Variants in DIP2C observed in about 807,000 individuals in gnomAD.
The protein encoded by DIP2C is disco-interacting protein 2 homolog C.
In DIP2C, 33 loss-of-function variants were observed where a neutral mutation model predicts 192.4. That is an observed-to-expected ratio of 0.17 (90% CI 0.13 to 0.23). DIP2C has a LOEUF of 0.23. Among genes scored for constraint, DIP2C ranks in the 10% least tolerant of loss-of-function variants. DIP2C has a pLI of 1.00. For synonymous variants in DIP2C, 979 were observed against 864.1 expected, an observed-to-expected ratio of 1.13 and a Z score of -2.33; for missense variants, 1,537 against 2,110.1, an observed-to-expected ratio of 0.73 and a Z score of 5.32.
At chr10:376,978 A>C (rs994571985) in intron 17 of DIP2C, among the ~76,000 whole-genome samples, 1 of 152,226 alleles carries the variant, frequency 6.6e-6, no homozygotes, top group South Asian at 2.1e-4. Context: ...GATACAATGT[A>C]AAAGCAGCCA....
intron 1 of DIP2C, among the ~76,000 whole-genome samples, chr10:497,244 A>G (rs1198057534): frequency 6.6e-6 from 1 of 152,244 alleles, no homozygotes; most frequent in Non-Finnish European, 1.5e-5. Context: ...ACCCATGTTC[A>G]GAACAGGTTA....
intron 30 of DIP2C, among the ~76,000 whole-genome samples, chr10:328,676 C>T (rs1029293506): frequency 6.6e-6 from 1 of 152,188 alleles, no homozygotes; most frequent in Non-Finnish European, 1.5e-5. Flanking sequence ...AAGCTTTATG[C>T]ATTAGGAAAA....
intron 1 of DIP2C, among the ~76,000 whole-genome samples, chr10:609,724 A>T (rs1852938415): frequency 6.6e-6 from 1 of 152,210 alleles, no homozygotes; most frequent in Admixed American, 6.5e-5. Flanking sequence ...ACACTAACTG[A>T]TAATGCTATA....
chr10:579,808 CACTATAATG>C lies in DIP2C; in HGVS notation c.86-93287_86-93279del, dbSNP rs1379028608. Among the ~76,000 whole-genome samples, 30 of 151,800 alleles carry C rather than the reference CACTATAATG, an allele frequency of 2.0e-4. 1 individual carries two copies. The highest frequency in any genetic ancestry group is 7.3e-4 in the African/African-American group (30 of 41,280). The stretch of plus-strand genomic sequence containing the variant: ...TCCATATAGCATATGTACATAGGTA[CACTATAATG>C]TGTACATGCATAGCATGTACACACA... On this transcript the variant is annotated intron_variant, in intron 1 of 36. Coordinates refer to ENST00000280886, the MANE Select transcript of DIP2C (RefSeq NM_014974.3).
At chr10:649,180 C>T (rs1313683724) in intron 1 of DIP2C, among the ~76,000 whole-genome samples, 2 of 150,418 alleles carry the variant, frequency 1.3e-5, no homozygotes, top group East Asian at 3.9e-4. Flanking sequence ...GAAACTGAGT[C>T]CACGTCCACA....
intron 10 of DIP2C, among the ~76,000 whole-genome samples, chr10:396,217 G>A (rs377310509): frequency 6.6e-6 from 1 of 152,348 alleles, no homozygotes; most frequent in African/African-American, 2.4e-5. Flanking sequence ...CATCTTAAAT[G>A]TGTTACAGTG....
intron 1 of DIP2C, among the ~76,000 whole-genome samples, chr10:511,292 G>C (rs1845996856): frequency 6.6e-6 from 1 of 152,188 alleles, no homozygotes; most frequent in South Asian, 2.1e-4. Flanking sequence ...TCCTCCAAGG[G>C]GAAGCGGCCT....
chr10:629,205 C>T (rs188248066), intron 1 of DIP2C, among the ~76,000 whole-genome samples: 89 of 152,272 alleles, frequency 5.8e-4, no homozygotes, highest in African/African-American at 1.3e-3. Flanking sequence ...CACAGGGCTA[C>T]GGTAGCTACC....
intron 3 of DIP2C, among the ~76,000 whole-genome samples, chr10:449,165 C>T (rs1968620962): frequency 6.6e-6 from 1 of 151,948 alleles, no homozygotes; most frequent in South Asian, 2.1e-4. Flanking sequence ...AGGACCCACT[C>T]ACCCCTGTCA....
intron 33 of DIP2C, among the ~76,000 whole-genome samples, chr10:286,574 A>T (rs1955146665): frequency 1.3e-5 from 2 of 152,204 alleles, no homozygotes; most frequent in Admixed American, 1.3e-4. Context: ...GTATGCTGTT[A>T]TGGTGACCTC....
chr10:586,771 CAGAT>C (rs1175123929), intron 1 of DIP2C, among the ~76,000 whole-genome samples: 3 of 152,086 alleles, frequency 2.0e-5, no homozygotes, highest in Admixed American at 6.5e-5. Context: ...TTCTGGATCT[CAGAT>C]AGATAATGGC....
chr10:324,770 A>G, intron 31 of DIP2C: 1 of 375,984 alleles, frequency 2.7e-6, no homozygotes, highest in East Asian at 7.4e-5. Flanking sequence ...TTCAATATCC[A>G]CCACGTGTCA....
At chr10:452,100 G>C (rs988833225) in intron 3 of DIP2C, among the ~76,000 whole-genome samples, 1 of 152,166 alleles carries the variant, frequency 6.6e-6, no homozygotes, top group Non-Finnish European at 1.5e-5. Context: ...GAGCAGGAGG[G>C]AAGCATGGGG....
intron 1 of DIP2C, among the ~76,000 whole-genome samples, chr10:564,257 C>T (rs904140437): frequency 1.3e-5 from 2 of 151,830 alleles, no homozygotes; most frequent in African/African-American, 2.4e-5. Flanking sequence ...TCTGGGTGAA[C>T]GTCACTGGCT....
intron 1 of DIP2C, among the ~76,000 whole-genome samples, chr10:657,552 A>C (rs1468175989): frequency 2.8e-5 from 1 of 35,434 alleles, no homozygotes; most frequent in African/African-American, 8.2e-5. Flanking sequence ...TGGACCTCAC[A>C]CTGGACCTGT....
rs779693466 is a variant in DIP2C at position 440,896 on chromosome 10, G to A, written c.369C>T (p.Thr123=). Residue 123 remains threonine (T), a synonymous_variant, in exon 4 of 37, where the codon ACC becomes ACT. Transcript: ENST00000280886. ...CTGGAGGGGTGTAGGCGTCCATCGA[G>A]GTCTGCACGACCAGGGACCTGCGTT... ...PSKRRSLVVQ[T]SMDAYTPPDT... is the part of the protein sequence containing the mutation. The A allele has an allele frequency of 3.1e-6, 5 of 1,613,458 alleles. No individual in the cohort carries two copies. The African/African-American group carries it at 5.3e-5, about 17-fold the overall frequency.
intron 1 of DIP2C, among the ~76,000 whole-genome samples, chr10:575,986 C>T (rs867851851): frequency 1.3e-5 from 2 of 152,256 alleles, no homozygotes; most frequent in Non-Finnish European, 2.9e-5. Flanking sequence ...GCTACTCCTG[C>T]ACGTGGGTGC....
chr10:603,298 C>CAAAAAAAAAAAAAAAAAAAAAAAAAA (rs71376842), intron 1 of DIP2C, among the ~76,000 whole-genome samples: 3 of 45,882 alleles, frequency 6.5e-5, no homozygotes, highest in African/African-American at 3.7e-4. Context: ...GACTCCATCT[C>CAAAAAAAAAAAAAAAAAAAAAAAAAA]AAAAAAAAAA....
intron 3 of DIP2C, 23 bp downstream of exon 3, chr10:472,416 G>T: frequency 1.2e-6 from 2 of 1,605,644 alleles, no homozygotes; most frequent in Non-Finnish European, 1.7e-6. Flanking sequence ...TGGACGTATT[G>T]TATCACCCCA....
Sources: allele counts gnomAD v4.1 joint callset (sites outside exome capture counted in the v4.1 genomes callset), GRCh38; gene constraint gnomAD v4.1.1; transcripts MANE v1.5; gene names NCBI Gene and HGNC (gene_info 2026-07-23, HGNC 2026-07-21).